Variants in MPZL3 observed in about 807,000 individuals in gnomAD.
The protein encoded by MPZL3 is myelin protein zero like 3, also known as myelin protein zero-like protein 3.
Under a neutral mutation model 24.8 loss-of-function variants are expected in MPZL3, and 23 were observed. The observed-to-expected ratio is 0.93, with a 90% CI of 0.67 to 1.31. The LOEUF is 1.31. MPZL3 is among the 40% of genes most tolerant of loss of function. The pLI is 0.00. For missense variants in MPZL3, 277 were observed against 294.9 expected, an observed-to-expected ratio of 0.94 and a Z score of 0.44; for synonymous variants, 99 against 106.5, an observed-to-expected ratio of 0.93 and a Z score of 0.44.
chr11:118,235,296 T>C, intron 4 of MPZL3, 128 bp downstream of exon 4: 1 of 1,174,830 alleles, frequency 8.5e-7, no homozygotes. Context: ...AGAACTATTC[T>C]CTTTGAAAAG....
At chr11:118,230,023 C>A in intron 5 of MPZL3, 103 bp from the exon 6 acceptor site, 12 of 1,028,824 alleles carry the variant, frequency 1.2e-5, no homozygotes, top group Non-Finnish European at 1.7e-5. Context: ...CTTGGGGAGA[C>A]AGCCACAGTG....
chr11:118,241,935 G>C (rs946094677), intron 1 of MPZL3, among the ~76,000 whole-genome samples: 22 of 152,258 alleles, frequency 1.4e-4, no homozygotes, highest in Admixed American at 3.9e-4. Flanking sequence ...CTTTGCAAAT[G>C]CTGTCCCTCT....
In MPZL3 at chr11:118,228,266, A is replaced by G. The variant is rs543574286; in HGVS notation, c.*1628T>C. ...AAAGAAGTTGAGAGAGAGAAAAGTG[A>G]TTTTTAAACTAACATATACAGTCTG... On this transcript the variant is annotated 3_prime_UTR_variant, in exon 6 of 6. Coordinates refer to ENST00000278949, the MANE Select transcript of MPZL3 (RefSeq NM_198275.3). 1 of 152,292 alleles carries G rather than the reference A, an allele frequency of 6.6e-6. No individual in the cohort carries two copies. The highest frequency in any genetic ancestry group is 2.4e-5 in the African/African-American group (1 of 41,552). 9.4% of individuals were successfully genotyped at this position (152,292 alleles called of 1,614,324 possible).
At chr11:118,252,200 C>T (rs573182189) in intron 1 of MPZL3, 22 bp downstream of exon 1, 3 of 1,612,782 alleles carry the variant, frequency 1.9e-6, no homozygotes, top group Non-Finnish European at 2.5e-6. Context: ...GGAAGTGGAG[C>T]GTAGCCAGCC....
intron 1 of MPZL3, among the ~76,000 whole-genome samples, chr11:118,251,650 T>C (rs905504487): frequency 1.3e-5 from 2 of 152,174 alleles, no homozygotes; most frequent in African/African-American, 2.4e-5. Context: ...CTCTTTCTTG[T>C]ATTAAAAAAA....
At chr11:118,243,855 A>G (rs867605348) in intron 1 of MPZL3, among the ~76,000 whole-genome samples, 3 of 152,066 alleles carry the variant, frequency 2.0e-5, no homozygotes, top group African/African-American at 2.4e-5. Flanking sequence ...CCTTAAAAAC[A>G]AATAGCAATT....
chr11:118,237,072 T>C lies in MPZL3; in HGVS notation c.429A>G (p.Thr143=), dbSNP rs1473858904. The change falls in exon 3 of 6, where the codon ACA becomes ACG. Residue 143 remains threonine (T), a synonymous_variant. Transcript: ENST00000278949. The stretch of plus-strand genomic sequence containing the variant: ...TACCCCTTTCTGTGACTGTTAGCTC[T>C]GTCATGGGAATATTATGATGCACAT... ...PPDVHHNIPM[T]ELTVTERGFG... is the part of the protein sequence containing the mutation. The C allele has an allele frequency of 6.2e-7, 1 of 1,613,932 alleles. No individual in the cohort carries two copies. The highest frequency in any genetic ancestry group is 8.5e-7 in the Non-Finnish European group (1 of 1,179,926).
At position 118,240,535 on chromosome 11, in the gene MPZL3, A is replaced by G. The variant is rs189627125; in HGVS notation, c.74-158T>C. Among the ~76,000 whole-genome samples the G allele has an allele frequency of 1.2e-4, 19 of 152,352 alleles. No individual in the cohort carries two copies. In the East Asian group the frequency reaches 3.7e-3, roughly 29 times the overall value. On this transcript the variant is annotated intron_variant, in intron 1 of 5. Coordinates refer to ENST00000278949, the MANE Select transcript of MPZL3 (RefSeq NM_198275.3). ...AGCCCACAAGGGACAAGGAGTTGAT[A>G]TCTGCATTAATCAAAGATAGCATTT...
chr11:118,244,478 C>T (rs1949534506), intron 1 of MPZL3, among the ~76,000 whole-genome samples: 1 of 151,998 alleles, frequency 6.6e-6, no homozygotes, highest in South Asian at 2.1e-4. Flanking sequence ...GAGCTAAGAT[C>T]TGAAGAAAAA....
chr11:118,247,769 C>T (rs565069758), intron 1 of MPZL3, among the ~76,000 whole-genome samples: 6 of 152,128 alleles, frequency 3.9e-5, no homozygotes, highest in East Asian at 1.9e-4. Context: ...CCACCATGCC[C>T]GGTTTATGCA....
At chr11:118,251,078 C>CGTGT (rs3221165) in intron 1 of MPZL3, among the ~76,000 whole-genome samples, 2,665 of 144,350 alleles carry the variant, frequency 0.018, 32 homozygotes, top group Admixed American at 0.039. Context: ...GAATATTTCT[C>CGTGT]GTGTGTGTGT....
chr11:118,240,521 G>T, intron 1 of MPZL3, 144 bp from the exon 2 acceptor site: 1 of 728,880 alleles, frequency 1.4e-6, no homozygotes, highest in Non-Finnish European at 2.1e-6. Flanking sequence ...GCCCACAAGG[G>T]ACAAGGAGTT....
chr11:118,238,198 G>C (rs905754412), intron 2 of MPZL3, among the ~76,000 whole-genome samples: 1 of 152,086 alleles, frequency 6.6e-6, no homozygotes, highest in African/African-American at 2.4e-5. Context: ...TAAGTGAGTT[G>C]CTCTACGGTA....
Position 118,252,365 on chromosome 11 carries a change from T to A in MPZL3, c.-71A>T. The A allele has an allele frequency of 6.7e-7, 1 of 1,488,596 alleles. No individual in the cohort carries two copies. Among genetic ancestry groups the A allele is most frequent in the African/African-American group, 1.4e-5 (1 of 72,514 alleles). 92.2% of individuals were successfully genotyped at this position (1,488,596 alleles called of 1,614,324 possible). The stretch of plus-strand genomic sequence containing the variant: ...GTAACGACACAGGTAACACCGGAAG[T>A]GACGTCAGAGCAGGAGGCCGAGAGA... On this transcript the variant is annotated 5_prime_UTR_variant, in exon 1 of 6. Coordinates refer to ENST00000278949, the MANE Select transcript of MPZL3 (RefSeq NM_198275.3).
At chr11:118,242,894 G>A (rs1284199079) in intron 1 of MPZL3, among the ~76,000 whole-genome samples, 1 of 152,202 alleles carries the variant, frequency 6.6e-6, no homozygotes, top group Admixed American at 6.5e-5. Flanking sequence ...TCAGAGGGAG[G>A]GGAGCAGGCA....
At chr11:118,234,000 AAAAC>A (rs1363558233) in intron 4 of MPZL3, among the ~76,000 whole-genome samples, 24 of 152,182 alleles carry the variant, frequency 1.6e-4, no homozygotes, top group Non-Finnish European at 1.5e-5. Context: ...CCCATATCAA[AAAAC>A]AAACAAACAA....
intron 2 of MPZL3, among the ~76,000 whole-genome samples, 195 bp downstream of exon 2, chr11:118,240,016 T>C (rs1013103650): frequency 6.6e-6 from 1 of 152,174 alleles, no homozygotes; most frequent in Non-Finnish European, 1.5e-5. Context: ...TCCTGCAGCT[T>C]ATTTACAGAA....
chr11:118,246,602 T>TTTTTTG (rs1949560033), intron 1 of MPZL3, among the ~76,000 whole-genome samples: 1 of 149,172 alleles, frequency 6.7e-6, no homozygotes, highest in Admixed American at 6.7e-5. Flanking sequence ...TTTTTTTTTT[T>TTTTTTG]GAGACAGGGC....
intron 5 of MPZL3, among the ~76,000 whole-genome samples, chr11:118,232,088 T>C (rs1415311193): frequency 6.6e-6 from 1 of 152,234 alleles, no homozygotes. Context: ...ACTTCTCTGA[T>C]GTCAACAAAT....
Sources: gnomAD v4.1 joint callset for allele counts (sites outside exome capture counted in the v4.1 genomes callset) on GRCh38, gnomAD v4.1.1 for gene constraint, MANE v1.5 for transcripts, NCBI Gene and HGNC (gene_info 2026-07-23, HGNC 2026-07-21) for gene names.